Variants in RAB11FIP4 observed in about 807,000 individuals in gnomAD.
The protein encoded by RAB11FIP4 is rab11 family-interacting protein 4.
A neutral mutation model predicts 74.3 loss-of-function variants in RAB11FIP4; 23 were observed. The ratio of observed to expected loss-of-function variants is 0.31; its 90% CI spans 0.22 to 0.44. The LOEUF (loss-of-function observed/expected upper bound fraction) is 0.44, where lower values mean the gene tolerates loss of function less well. Ranked by LOEUF, RAB11FIP4 falls within the 20% of genes least tolerant of loss-of-function variation. RAB11FIP4 has a pLI of 1.00. For missense variants in RAB11FIP4, 630 were observed against 863.9 expected, an observed-to-expected ratio of 0.73 and a Z score of 3.39; for synonymous variants, 360 against 359.9, an observed-to-expected ratio of 1.00 and a Z score of 0.00.
rs539650616 is a variant in RAB11FIP4, at chr17:31,536,090, C to T, written c.*4358C>T. Reference sequence around the variant, plus strand: ...GCGGGTTCTTGGTTCCAATGAGGGACTTAGCAGAAGCCTCCAGGGGCCAGC... The same window carrying T: ...GCGGGTTCTTGGTTCCAATGAGGGATTTAGCAGAAGCCTCCAGGGGCCAGC... On this transcript the variant is annotated 3_prime_UTR_variant, in exon 15 of 15. Transcript: ENST00000621161. 1.3e-5 allele frequency: 2 copies of T among 151,748 alleles called. No individual in the cohort carries two copies. The highest frequency in any genetic ancestry group is 3.9e-4 in the East Asian group (2 of 5,146). 9.4% of individuals were successfully genotyped at this position (151,748 alleles called of 1,614,324 possible).
intron 1 of RAB11FIP4, among the ~76,000 whole-genome samples, chr17:31,403,550 C>G (rs1210811573): frequency 6.6e-6 from 1 of 152,096 alleles, no homozygotes; most frequent in Non-Finnish European, 1.5e-5. Context: ...TCTCGATCTC[C>G]TGACCTTGTG....
intron 1 of RAB11FIP4, among the ~76,000 whole-genome samples, chr17:31,419,882 G>T (rs994302614): frequency 6.6e-6 from 1 of 152,082 alleles, no homozygotes; most frequent in African/African-American, 2.4e-5. Flanking sequence ...CTTTTGTTTG[G>T]TTTGGGTAAC....
At chr17:31,432,973 C>G (rs534296009) in intron 2 of RAB11FIP4, among the ~76,000 whole-genome samples, 2 of 152,216 alleles carry the variant, frequency 1.3e-5, no homozygotes, top group African/African-American at 4.8e-5. Context: ...GGCGAAACCT[C>G]ATCTCTACAA....
chr17:31,433,778 T>C (rs1203652382), intron 2 of RAB11FIP4, among the ~76,000 whole-genome samples: 1 of 152,218 alleles, frequency 6.6e-6, no homozygotes, highest in Non-Finnish European at 1.5e-5. Flanking sequence ...TCCTTCCTGT[T>C]GCCCCAGCCT....
chr17:31,522,385 G>A lies in RAB11FIP4; in HGVS notation c.919G>A (p.Ala307Thr). ...NSPNRKISSTAFGRQLMHSSN... is the reference protein window; with the variant it reads ...NSPNRKISSTTFGRQLMHSSN... ...CCCCAACCGAAAGATCTCCAGCACG[G>A]CCTTTGGACGGTAAGGCCCGCCTCG... The change falls in exon 7 of 15, where the codon GCC becomes ACC. Residue 307 changes from alanine to threonine, a missense_variant. Physicochemically the swap from Ala to Thr is moderately conservative, Grantham distance 58 (BLOSUM62 0). Coordinates refer to ENST00000621161, the MANE Select transcript of RAB11FIP4 (RefSeq NM_032932.6). 1 of 1,613,898 alleles carries A rather than the reference G, an allele frequency of 6.2e-7. No homozygotes were observed. The highest frequency in any genetic ancestry group is 8.5e-7 in the Non-Finnish European group (1 of 1,179,926).
chr17:31,473,552 C>G (rs1016107556), intron 3 of RAB11FIP4, among the ~76,000 whole-genome samples: 1 of 152,076 alleles, frequency 6.6e-6, no homozygotes, highest in Non-Finnish European at 1.5e-5. Context: ...AAAAAGAGCC[C>G]CTGCAGCACC....
At chr17:31,442,959 CA>C (rs11435501) in intron 3 of RAB11FIP4, among the ~76,000 whole-genome samples, 124 of 129,434 alleles carry the variant, frequency 9.6e-4, no homozygotes, top group Non-Finnish European at 8.8e-4. Context: ...GACTCTGTCT[CA>C]AAAAAAAAAA....
intron 3 of RAB11FIP4, among the ~76,000 whole-genome samples, chr17:31,491,664 G>A (rs1183394179): frequency 6.6e-6 from 1 of 152,176 alleles, no homozygotes; most frequent in South Asian, 2.1e-4. Context: ...GGGGACAGGG[G>A]ACAAGCTCAG....
Position 31,528,497 on chromosome 17 carries a change from G to A in RAB11FIP4, c.1448G>A (p.Arg483Gln). ...DLYKRMMDKL[R>Q]QNRLEFQKER... ...TACAAGCGCATGATGGACAAGCTGC[G>A]ACAGAACCGCCTTGAGTTCCAGAAG... The change falls in exon 12 of 15, where the codon CGA becomes CAA. Residue 483 changes from arginine to glutamine, a missense_variant. By Grantham distance (43) the Arg-to-Gln change is conservative (BLOSUM62 1). Coordinates refer to ENST00000621161, the MANE Select transcript of RAB11FIP4 (RefSeq NM_032932.6). 6.2e-7 allele frequency: 1 copy of A among 1,613,854 alleles called. No homozygotes were observed. The highest frequency in any genetic ancestry group is 8.5e-7 in the Non-Finnish European group (1 of 1,180,044).
chr17:31,402,637 T>TATTC (rs1555541189), intron 1 of RAB11FIP4, among the ~76,000 whole-genome samples: 1 of 151,382 alleles, frequency 6.6e-6, no homozygotes, highest in African/African-American at 2.4e-5. Context: ...TTTATTTATT[T>TATTC]TTGAGACAGA....
intron 10 of RAB11FIP4, chr17:31,525,907 C>G (rs72817703): frequency 0.045 from 6,795 of 152,390 alleles, 227 homozygotes; most frequent in Non-Finnish European, 0.06. Context: ...TGCCCTGGCA[C>G]TCCTCAGGCC....
intron 3 of RAB11FIP4, among the ~76,000 whole-genome samples, chr17:31,476,704 C>T (rs1364178484): frequency 3.3e-5 from 5 of 152,200 alleles, no homozygotes; most frequent in African/African-American, 7.2e-5. Context: ...CAGCCTGCCT[C>T]CCCACTGCAC....
intron 3 of RAB11FIP4, among the ~76,000 whole-genome samples, chr17:31,478,970 C>T (rs745335776): frequency 5.3e-5 from 8 of 152,174 alleles, no homozygotes; most frequent in Non-Finnish European, 1.2e-4. Flanking sequence ...CAGGCAATTC[C>T]GGTTGCTGTA....
chr17:31,391,789 CGGCGGCGGGCA>C lies in RAB11FIP4; in HGVS notation c.-53_-43del, dbSNP rs969238255. The C allele has an allele frequency of 3.1e-6, 3 of 968,576 alleles. No individual in the cohort carries two copies. Among genetic ancestry groups the C allele is most frequent in the Non-Finnish European group, 3.7e-6 (3 of 817,180 alleles). The allele number at this position is 968,576 out of a possible 1,614,324, so 60.0% of individuals were successfully genotyped here. On this transcript the variant is annotated 5_prime_UTR_variant, in exon 1 of 15. It removes the in-frame stop codon of an upstream open reading frame in the 5' UTR. Coordinates refer to ENST00000621161, the MANE Select transcript of RAB11FIP4 (RefSeq NM_032932.6). Reference sequence around the variant, plus strand: ...GGCCCCGGAGGGCGCGCGGCGATGGCGGCGGCGGGCAGGCGGCGGGCGCGGCGGGCGAGGGG... The same window carrying C: ...GGCCCCGGAGGGCGCGCGGCGATGGCGGCGGCGGGCGCGGCGGGCGAGGGG...
At chr17:31,413,961 A>G (rs2071123817) in intron 1 of RAB11FIP4, among the ~76,000 whole-genome samples, 1 of 152,230 alleles carries the variant, frequency 6.6e-6, no homozygotes, top group Non-Finnish European at 1.5e-5. Flanking sequence ...CATGAGGTTC[A>G]CGGGTGTCCG....
At chr17:31,426,756 GC>G (rs1385678895) in intron 1 of RAB11FIP4, among the ~76,000 whole-genome samples, 5 of 151,588 alleles carry the variant, frequency 3.3e-5, no homozygotes, top group African/African-American at 1.2e-4. Context: ...ACACCACCAT[GC>G]CCAGCTACTT....
chr17:31,523,187 AG>A (rs2072699989), intron 7 of RAB11FIP4: 1 of 374,412 alleles, frequency 2.7e-6, no homozygotes, highest in Non-Finnish European at 5.1e-6. Flanking sequence ...CTGGAAGAGG[AG>A]GGGGCTCACG....
intron 3 of RAB11FIP4, among the ~76,000 whole-genome samples, chr17:31,503,424 A>G (rs2072258582): frequency 1.3e-5 from 2 of 149,690 alleles, no homozygotes; most frequent in African/African-American, 5.1e-5. Flanking sequence ...TTTTAGAGGG[A>G]ACAGGATTCA....
intron 3 of RAB11FIP4, among the ~76,000 whole-genome samples, chr17:31,463,961 T>C (rs1386248962): frequency 6.6e-6 from 1 of 151,372 alleles, no homozygotes; most frequent in Non-Finnish European, 1.5e-5. Flanking sequence ...TACAGGTGCA[T>C]GCCACCACAC....
Sources: allele counts gnomAD v4.1 joint callset (sites outside exome capture counted in the v4.1 genomes callset), GRCh38; gene constraint gnomAD v4.1.1; transcripts MANE v1.5; gene names NCBI Gene and HGNC (gene_info 2026-07-23, HGNC 2026-07-21).